Variants in DPYD observed in about 807,000 individuals in gnomAD.
The protein encoded by DPYD is dihydropyrimidine dehydrogenase, also known as dihydropyrimidine dehydrogenase [NADP(+)].
In DPYD, 109 loss-of-function variants were observed where a neutral mutation model predicts 116.2. That is an observed-to-expected ratio of 0.94 (90% CI 0.80 to 1.10). DPYD has a LOEUF of 1.10. DPYD is among the 50% of genes least tolerant of loss of function. The probability of loss-of-function intolerance (pLI) is 0.00; values close to 1 mark genes in which losing one functional copy is unlikely to be tolerated. For synonymous variants in DPYD, 440 were observed against 432.0 expected, an observed-to-expected ratio of 1.02 and a Z score of -0.23; for missense variants, 1,302 against 1,254.5, an observed-to-expected ratio of 1.04 and a Z score of -0.57.
chr1:97,537,927 C>T (rs1040934293), intron 12 of DPYD, among the ~76,000 whole-genome samples: 11 of 152,230 alleles, frequency 7.2e-5, no homozygotes, highest in Middle Eastern at 3.4e-3. Flanking sequence ...ACTAACTGGG[C>T]GTGGTGGCAT....
chr1:97,338,182 T>C (rs1669401398), intron 16 of DPYD, among the ~76,000 whole-genome samples: 1 of 152,140 alleles, frequency 6.6e-6, no homozygotes, highest in African/African-American at 2.4e-5. Context: ...GAAAATTAGA[T>C]TCATTAGAGA....
At chr1:97,738,906 T>A (rs1481684827) in intron 4 of DPYD, among the ~76,000 whole-genome samples, 1 of 152,114 alleles carries the variant, frequency 6.6e-6, no homozygotes, top group Non-Finnish European at 1.5e-5. Flanking sequence ...AGAATCCTTT[T>A]TGTCTTTTTT....
At chr1:97,870,386 T>A (rs1331790044) in intron 2 of DPYD, among the ~76,000 whole-genome samples, 1 of 151,874 alleles carries the variant, frequency 6.6e-6, no homozygotes, top group Non-Finnish European at 1.5e-5. Context: ...GATGTGTGGA[T>A]CTTTATCGTG....
rs555856338 is a variant in DPYD at position 97,170,710 on chromosome 1, C to T, written c.2622+22359G>A. On this transcript the variant is annotated intron_variant, in intron 20 of 22. Transcript: ENST00000370192. ...TTTTTTTTTGAGATAGAGTCCCGCT[C>T]TGTCACCCAGGCTGGAGTGCAGTGG... Among the ~76,000 whole-genome samples the T allele has an allele frequency of 8.6e-3, 1,304 of 151,150 alleles. 18 individuals carry two copies. The highest frequency in any genetic ancestry group is 0.03 in the African/African-American group (1,238 of 41,074).
chr1:97,315,448 C>G (rs1187705032), intron 16 of DPYD, among the ~76,000 whole-genome samples: 1 of 151,926 alleles, frequency 6.6e-6, no homozygotes, highest in Admixed American at 6.6e-5. Context: ...CCAATGGCTC[C>G]CCTTTTCCAA....
intron 16 of DPYD, among the ~76,000 whole-genome samples, chr1:97,370,406 G>A (rs1031305380): frequency 6.6e-5 from 10 of 152,060 alleles, no homozygotes; most frequent in Non-Finnish European, 1.3e-4. Flanking sequence ...ATCACACACC[G>A]GGGCCTGTTG....
At chr1:97,655,265 C>G (rs1658839173) in intron 8 of DPYD, among the ~76,000 whole-genome samples, 1 of 152,184 alleles carries the variant, frequency 6.6e-6, no homozygotes, top group African/African-American at 2.4e-5. Context: ...CCTCTGGGAT[C>G]CCACAATGAA....
chr1:97,250,087 T>C (rs56038816), intron 18 of DPYD, among the ~76,000 whole-genome samples: 8,933 of 151,878 alleles, frequency 0.059, 360 homozygotes, highest in Middle Eastern at 0.12. Flanking sequence ...CTGGCCAACA[T>C]AGTGAAACCC....
At chr1:97,734,624 C>G (rs1035932643) in intron 4 of DPYD, among the ~76,000 whole-genome samples, 4 of 152,116 alleles carry the variant, frequency 2.6e-5, no homozygotes, top group Non-Finnish European at 5.9e-5. Flanking sequence ...AACTAATTAT[C>G]TGCCATGACT....
intron 3 of DPYD, among the ~76,000 whole-genome samples, chr1:97,803,479 T>C (rs1667937584): frequency 6.6e-6 from 1 of 151,880 alleles, no homozygotes; most frequent in South Asian, 2.1e-4. Flanking sequence ...CTGATAATGG[T>C]GATTGCTCTT....
intron 13 of DPYD, among the ~76,000 whole-genome samples, chr1:97,491,433 T>C (rs1678970912): frequency 6.6e-6 from 1 of 151,768 alleles, no homozygotes; most frequent in Non-Finnish European, 1.5e-5. Context: ...AAATAACTAA[T>C]TTTTGTATAT....
rs2101374105 is a variant in DPYD at position 97,808,701 on chromosome 1, A to G, written c.233+19413T>C. 5.3e-5 allele frequency among the ~76,000 whole-genome samples: 8 copies of G among 152,014 alleles called. 1 individual carries two copies. In the South Asian group the frequency reaches 1.7e-3, roughly 31 times the overall value. ...GAACGAACATCCTTGCCTTGTTCCC[A>G]ATCTTACCAGGTCTTAAATTGGGGT... On this transcript the variant is annotated intron_variant, in intron 3 of 22. Coordinates refer to ENST00000370192, the MANE Select transcript of DPYD (RefSeq NM_000110.4).
At chr1:97,329,304 C>T (rs1296238177) in intron 16 of DPYD, among the ~76,000 whole-genome samples, 1 of 152,096 alleles carries the variant, frequency 6.6e-6, no homozygotes, top group Non-Finnish European at 1.5e-5. Flanking sequence ...ATTTATATTA[C>T]AAGCATATTC....
chr1:97,200,823 A>G (rs962326590), intron 19 of DPYD, among the ~76,000 whole-genome samples: 3 of 152,162 alleles, frequency 2.0e-5, no homozygotes, highest in Admixed American at 6.6e-5. Context: ...AGCTAGTTGG[A>G]GGCAGTGCTG....
rs146250721 is a variant in DPYD at position 97,639,810 on chromosome 1, T to G, written c.850+39285A>C. On this transcript the variant is annotated intron_variant, in intron 8 of 22. Coordinates refer to ENST00000370192, the MANE Select transcript of DPYD (RefSeq NM_000110.4). ...AATTCAAGAAACTACTATGGAGGCT[T>G]TAATACCAATTTTTTTAAAATACAT... 3.9e-3 allele frequency among the ~76,000 whole-genome samples: 596 copies of G among 152,280 alleles called. 4 individuals are homozygous for G. The highest frequency in any genetic ancestry group is 0.01 in the Middle Eastern group (3 of 294).
intron 18 of DPYD, chr1:97,296,222 T>C (rs1193523061): frequency 1.3e-5 from 2 of 152,202 alleles, no homozygotes; most frequent in Non-Finnish European, 2.9e-5. Flanking sequence ...CAAAAATTCT[T>C]GCAAATCAGG....
At chr1:97,757,739 T>C (rs1388188790) in intron 3 of DPYD, among the ~76,000 whole-genome samples, 2 of 152,136 alleles carry the variant, frequency 1.3e-5, no homozygotes, top group Non-Finnish European at 2.9e-5. Context: ...ATACAGAATA[T>C]AAAGTATTTA....
chr1:97,467,133 G>A (rs985260676), intron 13 of DPYD, among the ~76,000 whole-genome samples: 2 of 152,188 alleles, frequency 1.3e-5, no homozygotes, highest in East Asian at 1.9e-4. Context: ...AGAAACTAAC[G>A]ATAAAATATG....
chr1:97,420,842 C>G (rs1674544779), intron 14 of DPYD, among the ~76,000 whole-genome samples: 2 of 152,160 alleles, frequency 1.3e-5, no homozygotes, highest in Non-Finnish European at 2.9e-5. Flanking sequence ...TCAAGAGTCA[C>G]TTTCTCTGGA....
Sources: allele counts gnomAD v4.1 joint callset (sites outside exome capture counted in the v4.1 genomes callset), GRCh38; gene constraint gnomAD v4.1.1; transcripts MANE v1.5; gene names NCBI Gene and HGNC (gene_info 2026-07-23, HGNC 2026-07-21).